KANSL1L: variants seen among roughly 807,000 people sequenced by gnomAD.
KANSL1L encodes KAT8 regulatory NSL complex subunit 1 like.
A neutral mutation model predicts 108.6 loss-of-function variants in KANSL1L; 25 were observed. The ratio of observed to expected loss-of-function variants is 0.23; its 90% CI spans 0.17 to 0.32. The LOEUF (loss-of-function observed/expected upper bound fraction) is 0.32. Among genes scored for constraint, KANSL1L ranks in the 10% least tolerant of loss-of-function variants. The probability of loss-of-function intolerance (pLI) is 1.00; values close to 1 mark genes in which losing one functional copy is unlikely to be tolerated. For synonymous variants in KANSL1L, 405 were observed against 395.1 expected, an observed-to-expected ratio of 1.03 and a Z score of -0.30; for missense variants, 1,137 against 1,125.7, an observed-to-expected ratio of 1.01 and a Z score of -0.14.
chr2:210,166,155 T>C (rs1687947039), intron 1 of KANSL1L, among the ~76,000 whole-genome samples: 1 of 152,202 alleles, frequency 6.6e-6, no homozygotes, highest in Non-Finnish European at 1.5e-5. Context: ...GTCTCCAGAC[T>C]TTCCATTAGG....
intron 6 of KANSL1L, chr2:210,063,787 C>T (rs2094442303): frequency 6.6e-6 from 1 of 152,154 alleles, no homozygotes; most frequent in African/African-American, 2.4e-5. Context: ...TTTACAGGCT[C>T]ATAGGCGAAA....
chr2:210,130,096 T>C (rs772580007), intron 2 of KANSL1L, among the ~76,000 whole-genome samples: 2 of 152,010 alleles, frequency 1.3e-5, no homozygotes, highest in Non-Finnish European at 2.9e-5. Context: ...AATTCATTTA[T>C]TGTCAAAACC....
At chr2:210,129,504 T>C (rs772508396) in intron 2 of KANSL1L, among the ~76,000 whole-genome samples, 4 of 152,162 alleles carry the variant, frequency 2.6e-5, no homozygotes, top group Non-Finnish European at 5.9e-5. Context: ...GCAAACACCA[T>C]GTAAAAACTG....
At chr2:210,135,291 A>C (rs1486418248) in intron 2 of KANSL1L, among the ~76,000 whole-genome samples, 1 of 152,130 alleles carries the variant, frequency 6.6e-6, no homozygotes, top group East Asian at 1.9e-4. Flanking sequence ...CATCCTTGAG[A>C]AGATGGTATG....
chr2:210,103,921 T>G, intron 4 of KANSL1L, 183 bp downstream of exon 4: 1 of 376,354 alleles, frequency 2.7e-6, no homozygotes, highest in Non-Finnish European at 4.7e-6. Context: ...ATAATTTAAA[T>G]TATATTGGTA....
chr2:210,098,304 A>G, intron 4 of KANSL1L, 97 bp from the exon 5 acceptor site: 1 of 1,072,724 alleles, frequency 9.3e-7, no homozygotes, highest in South Asian at 1.6e-5. Context: ...TTCTCATGAC[A>G]CACATGTTTT....
chr2:210,089,268 T>C (rs779544290), intron 5 of KANSL1L, among the ~76,000 whole-genome samples: 1 of 152,152 alleles, frequency 6.6e-6, no homozygotes, highest in Non-Finnish European at 1.5e-5. Context: ...GTTTCTAGGG[T>C]AGGGTTTGAA....
chr2:210,098,269 T>G (rs2094758260), intron 4 of KANSL1L, 62 bp from the exon 5 acceptor site: 2 of 1,515,234 alleles, frequency 1.3e-6, no homozygotes, highest in Admixed American at 1.9e-5. Flanking sequence ...AAAGCTCAGA[T>G]GCATAGTGCC....
At chr2:210,157,693 A>G (rs1433857759) in intron 1 of KANSL1L, among the ~76,000 whole-genome samples, 1 of 108,756 alleles carries the variant, frequency 9.2e-6, no homozygotes, top group South Asian at 2.7e-4. Flanking sequence ...CTGTCACAGA[A>G]AAAAAAAAAA....
intron 3 of KANSL1L, among the ~76,000 whole-genome samples, chr2:210,106,414 T>G (rs1196582541): frequency 6.6e-6 from 1 of 152,172 alleles, no homozygotes; most frequent in Non-Finnish European, 1.5e-5. Flanking sequence ...TTTAGAATAC[T>G]ACCTTTCTAT....
chr2:210,035,288 G>T (rs2094085805), intron 8 of KANSL1L: 1 of 152,118 alleles, frequency 6.6e-6, no homozygotes, highest in Non-Finnish European at 1.5e-5. Flanking sequence ...TATTCCTCAT[G>T]ATTAAACTAG....
At chr2:210,065,649 G>A (rs987329601) in intron 6 of KANSL1L, among the ~76,000 whole-genome samples, 12 of 141,166 alleles carry the variant, frequency 8.5e-5, no homozygotes, top group Admixed American at 1.5e-4. Flanking sequence ...GCAGTGGCAT[G>A]ATCTCGGCTC....
rs148820777 is a variant in KANSL1L at position 210,141,749 on chromosome 2, G to A, written c.1088+11746C>T. Among the ~76,000 whole-genome samples the A allele has an allele frequency of 5.0e-4, 76 of 152,204 alleles. 1 individual carries two copies. Among genetic ancestry groups the A allele is most frequent in the African/African-American group, 1.7e-3 (69 of 41,546 alleles). Reference sequence around the variant, plus strand: ...TTTATTGGTAGAGGTACATTCCTTCGATACCTAATCTGTTGAGAGTCTGAA... The same window carrying A: ...TTTATTGGTAGAGGTACATTCCTTCAATACCTAATCTGTTGAGAGTCTGAA... On this transcript the variant is annotated intron_variant, in intron 2 of 14. Coordinates refer to ENST00000281772, the MANE Select transcript of KANSL1L (RefSeq NM_152519.4).
At chr2:210,169,017 A>T (rs943091701) in intron 1 of KANSL1L, among the ~76,000 whole-genome samples, 5 of 152,184 alleles carry the variant, frequency 3.3e-5, no homozygotes, top group African/African-American at 1.2e-4. Flanking sequence ...TGCAAATTAA[A>T]GCAAGGTTTT....
intron 3 of KANSL1L, among the ~76,000 whole-genome samples, 197 bp from the exon 4 acceptor site, chr2:210,104,498 T>C (rs1449810968): frequency 6.6e-6 from 1 of 152,218 alleles, no homozygotes; most frequent in Non-Finnish European, 1.5e-5. Flanking sequence ...GTTGATAGGT[T>C]GGACTTGTAA....
At chr2:210,047,106 C>CTATTGTCTT (rs2094232592) in intron 6 of KANSL1L, among the ~76,000 whole-genome samples, 5 of 151,974 alleles carry the variant, frequency 3.3e-5, no homozygotes, top group Admixed American at 3.3e-4. Flanking sequence ...GGCCATTCTT[C>CTATTGTCTT]TATTGTCTTG....
intron 2 of KANSL1L, among the ~76,000 whole-genome samples, chr2:210,145,907 G>C (rs1362915858): frequency 6.6e-6 from 1 of 152,110 alleles, no homozygotes; most frequent in Admixed American, 6.5e-5. Flanking sequence ...ACATGTATGG[G>C]GCAGTGGAAG....
At position 210,024,115 on chromosome 2, in the gene KANSL1L, G is replaced by A. The variant is rs1455264805; in HGVS notation, c.2651C>T (p.Ala884Val). 1.9e-6 allele frequency: 3 copies of A among 1,609,202 alleles called. No individual in the cohort carries two copies. The highest frequency in any genetic ancestry group is 2.2e-5 in the South Asian group (2 of 90,514). The change falls in exon 14 of 15, where the codon GCA (alanine) becomes GTA (valine). Residue 884 changes from alanine (A) to valine (V), a missense_variant. By Grantham distance (64) the Ala-to-Val change is moderately conservative. Transcript: ENST00000281772. ...NFSSSQQCAA[A>V]SPPGLPSENQ... is the part of the protein sequence containing the mutation. ...CTCTGAAGGAAGCCCAGGAGGACTT[G>A]CAGCAGCACATTGCTGACTGCTACT...
intron 6 of KANSL1L, among the ~76,000 whole-genome samples, chr2:210,056,687 G>A (rs2094355093): frequency 2.0e-5 from 3 of 152,048 alleles, no homozygotes; most frequent in East Asian, 3.9e-4. Flanking sequence ...CACCATGTTG[G>A]CCAGGCTGCT....
Sources: gnomAD v4.1 joint callset for allele counts (sites outside exome capture counted in the v4.1 genomes callset) on GRCh38, gnomAD v4.1.1 for gene constraint, MANE v1.5 for transcripts, NCBI Gene and HGNC (gene_info 2026-07-23, HGNC 2026-07-21) for gene names.